Variants in LRRC63 observed in about 807,000 individuals in gnomAD.
LRRC63 encodes leucine-rich repeat-containing protein 63.
LRRC63 carries 40 observed loss-of-function variants against 49.5 expected under a neutral mutation model. That is an observed-to-expected ratio of 0.81 (90% CI 0.63 to 1.05). The LOEUF is 1.05. LRRC63 is among the 50% of genes least tolerant of loss of function. The pLI is 0.00. For missense variants in LRRC63, 636 were observed against 663.1 expected (o/e 0.96, Z 0.45); for synonymous variants, 191 against 221.1 (o/e 0.86, Z 1.21).
At chr13:46,254,433 C>T (rs2047458663) in intron 7 of LRRC63, among the ~76,000 whole-genome samples, 1 of 152,090 alleles carries the variant, frequency 6.6e-6, no homozygotes, top group South Asian at 2.1e-4. Flanking sequence ...GTCATCAGCT[C>T]AGGTGGAGAT....
intron 9 of LRRC63, among the ~76,000 whole-genome samples, chr13:46,275,038 T>G (rs1026475027): frequency 1.3e-5 from 2 of 152,160 alleles, no homozygotes; most frequent in Non-Finnish European, 2.9e-5. Flanking sequence ...TACTCTCTAC[T>G]TCCATGAGCT....
intron 7 of LRRC63, among the ~76,000 whole-genome samples, chr13:46,256,696 TG>T (rs1332821238): frequency 2.0e-5 from 3 of 152,214 alleles, no homozygotes; most frequent in Non-Finnish European, 4.4e-5. Flanking sequence ...TGCTTCTGGA[TG>T]GGTTATATCT....
chr13:46,245,197 A>G (rs2047180496), intron 5 of LRRC63, among the ~76,000 whole-genome samples: 1 of 152,226 alleles, frequency 6.6e-6, no homozygotes, highest in African/African-American at 2.4e-5. Flanking sequence ...CTCAAAATTC[A>G]TAAACCAAAA....
chr13:46,276,757 C>A, exon 10 of LRRC63: 1 of 1,220,692 alleles, frequency 8.2e-7, no homozygotes, highest in Non-Finnish European at 1.0e-6. Context: ...GATGGTAGTC[C>A]TAGTAGAAGA....
At chr13:46,276,852 T>TTATA (rs552310700) in exon 10 of LRRC63, 3 of 120,582 alleles carry the variant, frequency 2.5e-5, no homozygotes, top group Non-Finnish European at 3.1e-5. Context: ...ATATATATAT[T>TTATA]TATATATATA....
intron 4 of LRRC63, among the ~76,000 whole-genome samples, chr13:46,232,769 G>A (rs2046801805): frequency 6.6e-6 from 1 of 151,974 alleles, no homozygotes; most frequent in South Asian, 2.1e-4. Context: ...TCTGAAAAAT[G>A]GTAGAAAGAA....
At chr13:46,236,507 G>A (rs2138449289) in intron 5 of LRRC63, among the ~76,000 whole-genome samples, 1 of 152,264 alleles carries the variant, frequency 6.6e-6, no homozygotes, top group South Asian at 2.1e-4. Flanking sequence ...GGCAAGAAAG[G>A]AATGGGATGA....
At chr13:46,262,364 A>G (rs1718287763) in intron 8 of LRRC63, among the ~76,000 whole-genome samples, 1 of 152,152 alleles carries the variant, frequency 6.6e-6, no homozygotes, top group African/African-American at 2.4e-5. Context: ...TTCTAACATT[A>G]ATAAAAGTCT....
chr13:46,241,382 C>G (rs926815297), intron 5 of LRRC63, among the ~76,000 whole-genome samples: 1 of 152,068 alleles, frequency 6.6e-6, no homozygotes, highest in South Asian at 2.1e-4. Flanking sequence ...GGAAGACAAC[C>G]TAGGCAATAC....
At chr13:46,247,013 A>G (rs1318832742) in intron 6 of LRRC63, among the ~76,000 whole-genome samples, 1 of 152,202 alleles carries the variant, frequency 6.6e-6, no homozygotes, top group Non-Finnish European at 1.5e-5. Flanking sequence ...AAAATATAAT[A>G]TTCTGCTTAA....
chr13:46,238,976 C>T (rs540801227), intron 5 of LRRC63, among the ~76,000 whole-genome samples: 1 of 152,322 alleles, frequency 6.6e-6, no homozygotes, highest in East Asian at 1.9e-4. Flanking sequence ...CTGTGGTACA[C>T]AGCTAAGGCA....
chr13:46,261,556 C>T (rs372645942), intron 7 of LRRC63, among the ~76,000 whole-genome samples: 3 of 152,224 alleles, frequency 2.0e-5, no homozygotes, highest in East Asian at 3.9e-4. Context: ...CGACTTCTGG[C>T]GCCCTGAACT....
chr13:46,261,465 A>G (rs545507740), intron 7 of LRRC63, among the ~76,000 whole-genome samples: 2 of 152,330 alleles, frequency 1.3e-5, no homozygotes, highest in South Asian at 4.1e-4. Context: ...GCAGGCAACC[A>G]CTGGAAGCTG....
chr13:46,238,232 A>G (rs1230463), intron 5 of LRRC63, among the ~76,000 whole-genome samples: 60,032 of 152,098 alleles, frequency 0.39, 13,127 homozygotes, highest in African/African-American at 0.58. Context: ...CACTGACAGC[A>G]TTAGACAGAT....
At chr13:46,273,213 T>A (rs1205902222) in intron 9 of LRRC63, among the ~76,000 whole-genome samples, 2 of 152,120 alleles carry the variant, frequency 1.3e-5, no homozygotes, top group African/African-American at 4.8e-5. Flanking sequence ...GAACTATGTC[T>A]TGTGTTCAAG....
At chr13:46,271,856 C>T (rs1350495527) in intron 9 of LRRC63, among the ~76,000 whole-genome samples, 3 of 151,882 alleles carry the variant, frequency 2.0e-5, no homozygotes, top group Non-Finnish European at 4.4e-5. Flanking sequence ...TTCAATATCC[C>T]TGTTTTTAAA....
chr13:46,261,170 A>T (rs1249818133), intron 7 of LRRC63, among the ~76,000 whole-genome samples: 1 of 152,126 alleles, frequency 6.6e-6, no homozygotes, highest in East Asian at 1.9e-4. Context: ...ACTTGTCTTG[A>T]TGGAAAGAAA....
At chr13:46,270,525 T>G (rs751223403) in intron 9 of LRRC63, 1 of 809,116 alleles carries the variant, frequency 1.2e-6, no homozygotes, top group African/African-American at 1.7e-5. Context: ...TTACCCAAAT[T>G]TGAAGAAAGT....
chr13:46,270,137 A>G (rs1054905973), intron 9 of LRRC63: 17 of 699,068 alleles, frequency 2.4e-5, no homozygotes, highest in Non-Finnish European at 4.2e-5. Context: ...TCAATACTTC[A>G]CTCGCTGGTA....
Sources: allele counts gnomAD v4.1 joint callset (sites outside exome capture counted in the v4.1 genomes callset), GRCh38; gene constraint gnomAD v4.1.1; transcripts MANE v1.5; gene names NCBI Gene and HGNC (gene_info 2026-07-23, HGNC 2026-07-21).